The following FOXN1 variants were observed in gnomAD, a reference collection of about 807,000 sequenced individuals.
The protein encoded by FOXN1 is forkhead box protein N1.
In FOXN1, 15 loss-of-function variants were observed where a neutral mutation model predicts 49.0. That is an observed-to-expected ratio of 0.31 (90% CI 0.20 to 0.47). The LOEUF (loss-of-function observed/expected upper bound fraction) is 0.47, where lower values mean the gene tolerates loss of function less well. Ranked by LOEUF, FOXN1 falls within the 20% of genes least tolerant of loss-of-function variation. FOXN1 has a pLI of 1.00. For missense variants in FOXN1, 800 were observed against 842.8 expected (o/e 0.95, Z 0.63); for synonymous variants, 356 against 369.0 (o/e 0.96, Z 0.40).
intron 4 of FOXN1, among the ~76,000 whole-genome samples, 193 bp downstream of exon 4, chr17:28,527,554 TC>T (rs2069802426): frequency 6.6e-6 from 1 of 152,148 alleles, no homozygotes; most frequent in Non-Finnish European, 1.5e-5. Flanking sequence ...ATTGCCCTCC[TC>T]CAGGGGTGGG....
chr17:28,521,468 G>T (rs1039794852), intron 1 of FOXN1, among the ~76,000 whole-genome samples: 1 of 152,246 alleles, frequency 6.6e-6, no homozygotes, highest in South Asian at 2.1e-4. Flanking sequence ...TCTCCAGGAG[G>T]AGCTGTCCAG....
intron 1 of FOXN1, among the ~76,000 whole-genome samples, chr17:28,522,783 A>AGCCAAGATGATG: frequency 6.6e-6 from 1 of 152,256 alleles, no homozygotes; most frequent in South Asian, 2.1e-4. Flanking sequence ...GGTTGCAGTA[A>AGCCAAGATGATG]GCCAAGATGA....
intron 1 of FOXN1, among the ~76,000 whole-genome samples, chr17:28,509,247 C>T (rs987014439): frequency 5.3e-5 from 8 of 151,990 alleles, no homozygotes; most frequent in Admixed American, 1.3e-4. Flanking sequence ...CCCTTCCACC[C>T]GTCTCTGTCT....
chr17:28,516,873 G>A (rs1490503573), intron 1 of FOXN1, among the ~76,000 whole-genome samples: 1 of 44,012 alleles, frequency 2.3e-5, no homozygotes, highest in Admixed American at 2.2e-4. Context: ...ACTCCACTGG[G>A]TACACACCTC....
At chr17:28,507,214 C>G (rs934057339) in intron 1 of FOXN1, among the ~76,000 whole-genome samples, 1 of 152,122 alleles carries the variant, frequency 6.6e-6, no homozygotes, top group Admixed American at 6.5e-5. Flanking sequence ...GGGAAGTGGC[C>G]GAAGCAGCAG....
At position 28,527,351 on chromosome 17, in the gene FOXN1, C is replaced by T. The variant is rs368285745; in HGVS notation, c.689C>T (p.Pro230Leu). ...CATATGTACTGCTCCTCCCAGCCCC[C>T]CTTCCACCAGGTGGGTCTGGGGCAA... ...LQHMYCSSQPPFHQYSPGGGS... is the reference protein window; with the variant it reads ...LQHMYCSSQPLFHQYSPGGGS... The change falls in exon 4 of 9, where the codon CCC (proline) becomes CTC (leucine). Residue 230 changes from proline to leucine, a missense_variant. Around this residue, in one of 3 missense-constraint regions of FOXN1, gnomAD observed 383 missense variants for 357.9 expected, o/e 1.07. Transcript: ENST00000579795. 24 of 1,608,420 alleles carry T rather than the reference C, an allele frequency of 1.5e-5. No individual in the cohort carries two copies. The highest frequency in any genetic ancestry group is 3.3e-4 in the Middle Eastern group (2 of 6,074).
At position 28,534,585 on chromosome 17, in the gene FOXN1, GCC is replaced by G; in HGVS notation, c.1135+48_1135+49del. On this transcript the variant is annotated intron_variant, in intron 7 of 8. Coordinates refer to ENST00000579795, the MANE Select transcript of FOXN1 (RefSeq NM_001369369.1). The surrounding 1 kb of genome is among the most constrained non-coding windows in gnomAD (Gnocchi z 4.1). ...AAGGAAGGGCCCAGGGTACTCATGA[GCC>G]AAAAAAAAAAAAAAGAGAGAATCAG... The G allele has an allele frequency of 6.4e-7, 1 of 1,551,234 alleles. No individual in the cohort carries two copies. The highest frequency in any genetic ancestry group is 2.0e-5 in the Admixed American group (1 of 49,362).
rs746435475 is a variant in FOXN1, at chr17:28,534,929, A to G, written c.1358A>G (p.Gln453Arg). 4 of 1,614,092 alleles carry G rather than the reference A, an allele frequency of 2.5e-6. No homozygotes were observed. Among genetic ancestry groups the G allele is most frequent in the Non-Finnish European group, 3.4e-6 (4 of 1,179,992 alleles). Residue 453 changes from glutamine to arginine, a missense_variant, in exon 8 of 9, where the codon CAG (glutamine) becomes CGG (arginine). By Grantham distance (43) the Gln-to-Arg change is conservative. This residue lies in a region of FOXN1 where 344 missense variants were observed against 366.1 expected (regional missense o/e 0.94). Coordinates refer to ENST00000579795, the MANE Select transcript of FOXN1 (RefSeq NM_001369369.1). This position sits in a 1 kb window ranked among gnomAD's most constrained non-coding sequence, Gnocchi z 4.1. ...LMGHTPSCYG[Q>R]TYLHLSPGLA... ...GGGCACACACCCTCCTGCTATGGGC[A>G]GACATACTTGCACCTCTCACCAGGC...
At chr17:28,523,164 T>C (rs2069676693) in intron 1 of FOXN1, among the ~76,000 whole-genome samples, 1 of 152,206 alleles carries the variant, frequency 6.6e-6, no homozygotes, top group Admixed American at 6.5e-5. Context: ...CCCTCCGATA[T>C]CATGTACCCA....
intron 5 of FOXN1, among the ~76,000 whole-genome samples, chr17:28,530,231 T>G (rs903168905): frequency 5.9e-5 from 9 of 151,974 alleles, no homozygotes. Flanking sequence ...GAAAAAAATG[T>G]CAGGGTTTGG....
chr17:28,508,744 G>A (rs1330788142), intron 1 of FOXN1, among the ~76,000 whole-genome samples: 2 of 152,100 alleles, frequency 1.3e-5, no homozygotes, highest in Admixed American at 6.5e-5. Flanking sequence ...ACATTCTGAC[G>A]AAGTTGCGGT....
chr17:28,518,961 C>T (rs1034186073), intron 1 of FOXN1, among the ~76,000 whole-genome samples: 5 of 152,286 alleles, frequency 3.3e-5, no homozygotes, highest in African/African-American at 1.2e-4. Context: ...GTAAATAAAT[C>T]ATAATGTTTA....
At chr17:28,510,084 A>G (rs1205486878) in intron 1 of FOXN1, among the ~76,000 whole-genome samples, 29 of 151,984 alleles carry the variant, frequency 1.9e-4, no homozygotes, top group Admixed American at 1.9e-3. Context: ...GGGGTAGGCA[A>G]CCCTCCAGAT....
At position 28,537,507 on chromosome 17, in the gene FOXN1, T is replaced by G; in HGVS notation, c.*71T>G. ...TCCTGGCCGGCCGCCCACATCGGGCTCACCTTAAAGGTCAAGGAAGGAAAA... is the reference window on the plus strand; with the variant it reads ...TCCTGGCCGGCCGCCCACATCGGGCGCACCTTAAAGGTCAAGGAAGGAAAA... On this transcript the variant is annotated 3_prime_UTR_variant, in exon 9 of 9. Coordinates refer to ENST00000579795, the MANE Select transcript of FOXN1 (RefSeq NM_001369369.1). The G allele has an allele frequency of 8.0e-7, 1 of 1,255,198 alleles. No homozygotes were observed. The highest frequency in any genetic ancestry group is 1.2e-6 in the Non-Finnish European group (1 of 860,794). The allele number at this position is 1,255,198 out of a possible 1,614,324, so 77.8% of individuals were successfully genotyped here.
At position 28,524,638 on chromosome 17, in the gene FOXN1, G is replaced by A. The variant is rs765915993; in HGVS notation, c.259G>A (p.Gly87Ser). 37 of 1,613,564 alleles carry A rather than the reference G, an allele frequency of 2.3e-5. No homozygotes were observed. Among genetic ancestry groups the A allele is most frequent in the Non-Finnish European group, 2.6e-5 (31 of 1,179,974 alleles). ...CCAGGGCCACTGCCCAGCCGGCCCCGGCCCTGGGCCCTTCAGGCTCTCACC... is the reference window on the plus strand; with the variant it reads ...CCAGGGCCACTGCCCAGCCGGCCCCAGCCCTGGGCCCTTCAGGCTCTCACC... ...QVQGHCPAGP[G>S]PGPFRLSPSD... The change falls in exon 3 of 9, where the codon GGC (glycine) becomes AGC (serine). Residue 87 changes from glycine (G) to serine (S), a missense_variant. Gly to Ser is a moderately conservative substitution (Grantham distance 56). Around this residue, in one of 3 missense-constraint regions of FOXN1, gnomAD observed 383 missense variants for 357.9 expected, o/e 1.07. Coordinates refer to ENST00000579795, the MANE Select transcript of FOXN1 (RefSeq NM_001369369.1).
intron 1 of FOXN1, among the ~76,000 whole-genome samples, chr17:28,517,449 C>T (rs903132048): frequency 2.6e-5 from 4 of 151,234 alleles, no homozygotes; most frequent in Non-Finnish European, 4.4e-5. Flanking sequence ...TACACACCTC[C>T]ACAGGGTACA....
intron 3 of FOXN1, among the ~76,000 whole-genome samples, chr17:28,525,738 C>G (rs1167497249): frequency 6.6e-6 from 1 of 152,114 alleles, no homozygotes; most frequent in African/African-American, 2.4e-5. Flanking sequence ...CTCTTGCTTT[C>G]AAACAGGCCC....
At chr17:28,513,987 T>C (rs1372756912) in intron 1 of FOXN1, among the ~76,000 whole-genome samples, 2 of 152,226 alleles carry the variant, frequency 1.3e-5, no homozygotes, top group Non-Finnish European at 2.9e-5. Context: ...ATGAGTCTAT[T>C]GCCCTTAAAG....
Position 28,534,545 on chromosome 17 carries a change from C to T in FOXN1, c.1135+7C>T, listed in dbSNP as rs1408526713. ...AAAAGCATGGCCAAGCCAGGTGAGG[C>T]CGGCCGGGCCACGCAAGGAAGGGCC... On this transcript the variant is annotated splice_region_variant and intron_variant, in intron 7 of 8. Coordinates refer to ENST00000579795, the MANE Select transcript of FOXN1 (RefSeq NM_001369369.1). This position sits in a 1 kb window ranked among gnomAD's most constrained non-coding sequence, Gnocchi z 4.1. The T allele has an allele frequency of 6.2e-7, 1 of 1,612,410 alleles. No individual in the cohort carries two copies. The highest frequency in any genetic ancestry group is 1.7e-5 in the Admixed American group (1 of 59,912).
Sources: gnomAD v4.1 joint callset for allele counts (sites outside exome capture counted in the v4.1 genomes callset) on GRCh38, gnomAD v4.1.1 for gene constraint, gnomAD v4.1.1 regional missense constraint, Gnocchi (gnomAD v3.1) non-coding constraint, MANE v1.5 for transcripts, NCBI Gene and HGNC (gene_info 2026-07-23, HGNC 2026-07-21) for gene names.